The following TUBGCP6 variants were observed in gnomAD, a reference collection of about 807,000 sequenced individuals.
TUBGCP6 encodes the protein tubulin gamma complex component 6, also known as gamma-tubulin complex component 6.
Under a neutral mutation model 175.8 loss-of-function variants are expected in TUBGCP6, and 161 were observed. The observed-to-expected ratio is 0.92, with a 90% CI of 0.81 to 1.04. TUBGCP6 has a LOEUF of 1.04. TUBGCP6 is among the 50% of genes least tolerant of loss of function. The pLI is 0.00. For synonymous variants in TUBGCP6, 1,173 were observed against 1,030.5 expected (o/e 1.14, Z -2.65); for missense variants, 2,572 against 2,433.0 (o/e 1.06, Z -1.20).
Position 50,219,996 on chromosome 22 carries a change from G to A in TUBGCP6, c.4128C>T (p.Asp1376=), listed in dbSNP as rs1221044246. The A allele has an allele frequency of 3.7e-6, 6 of 1,613,762 alleles. No individual in the cohort carries two copies. The highest frequency in any genetic ancestry group is 2.7e-5 in the African/African-American group (2 of 74,930). Residue 1376 remains aspartate, a synonymous_variant, in exon 17 of 25, where the codon GAC becomes GAT. Coordinates refer to ENST00000248846, the MANE Select transcript of TUBGCP6 (RefSeq NM_020461.4). ...SEELGPGRSG[D]TEDLSPNWPL... is the part of the protein sequence containing the mutation. ...GCCAATTTGGAGAGAGGTCCTCAGT[G>A]TCCCCGCTCCTCCCAGGGCCTGTGT...
Position 50,230,344 on chromosome 22 carries a change from C to T in TUBGCP6, c.1117-767G>A, listed in dbSNP as rs562402236. 7.9e-5 allele frequency among the ~76,000 whole-genome samples: 12 copies of T among 152,194 alleles called. No homozygotes were observed. The South Asian group carries it at 2.5e-3, about 32-fold the overall frequency. ...AAGTTAGGCCAGGCATGGTGGCTCA[C>T]GCCTGTAATCCCAGCACTTCAGGAG... On this transcript the variant is annotated intron_variant, in intron 3 of 24. Transcript: ENST00000248846.
intron 7 of TUBGCP6, 151 bp downstream of exon 7, chr22:50,226,582 G>C: frequency 7.0e-6 from 5 of 717,654 alleles, no homozygotes; most frequent in Admixed American, 2.4e-5. Context: ...GGGGCAGGGT[G>C]GGGGGTTGGG....
chr22:50,219,517 C>A, intron 18 of TUBGCP6, 61 bp from the exon 19 acceptor site: 1 of 1,589,668 alleles, frequency 6.3e-7, no homozygotes, highest in Non-Finnish European at 8.6e-7. Context: ...CGCCCCCATC[C>A]ACAGGAGATG....
At chr22:50,229,870 C>A (rs1339857651) in intron 3 of TUBGCP6, among the ~76,000 whole-genome samples, 4 of 152,300 alleles carry the variant, frequency 2.6e-5, no homozygotes, top group Non-Finnish European at 5.9e-5. Flanking sequence ...CCTCCTGGGG[C>A]AGAAGCTATA....
At chr22:50,243,543 A>C (rs774571243) in intron 1 of TUBGCP6, among the ~76,000 whole-genome samples, 176 bp downstream of exon 1, 1 of 147,150 alleles carries the variant, frequency 6.8e-6, no homozygotes, top group East Asian at 2.1e-4. Context: ...GCTTGAGCCC[A>C]GAAAGTGGAG....
chr22:50,242,662 G>T (rs749718796), intron 1 of TUBGCP6, among the ~76,000 whole-genome samples: 7 of 152,354 alleles, frequency 4.6e-5, no homozygotes, highest in African/African-American at 1.2e-4. Context: ...GAGCTACAGC[G>T]TACCATGGTA....
chr22:50,225,035 G>T (rs1341929489), intron 10 of TUBGCP6, among the ~76,000 whole-genome samples: 6 of 150,972 alleles, frequency 4.0e-5, no homozygotes, highest in African/African-American at 1.5e-4. Flanking sequence ...GAGGGACCAG[G>T]TGATGGCAGG....
At chr22:50,219,930 G>A (rs1257978376) in intron 17 of TUBGCP6, 27 bp downstream of exon 17, 1 of 1,613,502 alleles carries the variant, frequency 6.2e-7, no homozygotes. Flanking sequence ...TGCCTGCTGT[G>A]GGACCCCCAG....
intron 1 of TUBGCP6, 123 bp from the exon 2 acceptor site, chr22:50,240,490 G>T: frequency 8.4e-7 from 1 of 1,192,818 alleles, no homozygotes; most frequent in Non-Finnish European, 1.2e-6. Flanking sequence ...TTTTTCTCAA[G>T]CGCATGTGTA....
At chr22:50,223,905 C>G (rs1475056239) in intron 13 of TUBGCP6, 2 of 542,204 alleles carry the variant, frequency 3.7e-6, no homozygotes, top group Non-Finnish European at 3.3e-6. Flanking sequence ...AGTACGCAGG[C>G]CTCGCCTGGA....
chr22:50,226,562 G>A (rs2064613211), intron 7 of TUBGCP6, among the ~76,000 whole-genome samples, 171 bp downstream of exon 7: 1 of 140,472 alleles, frequency 7.1e-6, no homozygotes, highest in African/African-American at 2.7e-5. Context: ...AGGGTGGGGG[G>A]TGTGGAGTGG....
rs774583229 is a variant in TUBGCP6, at chr22:50,218,470, G to A, written c.4954+18C>T. On this transcript the variant is annotated intron_variant, in intron 22 of 24. Transcript: ENST00000248846. The stretch of plus-strand genomic sequence containing the variant: ...TCCAGCCAGGGGTGCGGGGCGCCGG[G>A]CTCCAGCGGGGCCTCACCTGTGCGC... 2 of 1,613,056 alleles carry A rather than the reference G, an allele frequency of 1.2e-6. No homozygotes were observed. The highest frequency in any genetic ancestry group is 1.3e-5 in the African/African-American group (1 of 74,922).
Position 50,243,783 on chromosome 22 carries a change from A to G in TUBGCP6, c.677T>C (p.Met226Thr), listed in dbSNP as rs765347127. ...GALVHSRTYD[M>T]DVRLGLPPVP... is the part of the protein sequence containing the mutation. ...GGGGGGCAGGCCCAGTCGGACGTCC[A>G]TGTCATAAGTGCGGCTGTGCACAAG... Residue 226 changes from methionine to threonine, a missense_variant, in exon 1 of 25, where the codon ATG (methionine) becomes ACG (threonine). Transcript: ENST00000248846. The G allele has an allele frequency of 1.2e-6, 2 of 1,613,576 alleles. No homozygotes were observed. The highest frequency in any genetic ancestry group is 2.2e-5 in the South Asian group (2 of 91,056).
intron 5 of TUBGCP6, among the ~76,000 whole-genome samples, chr22:50,227,588 T>C (rs1183546940): frequency 6.6e-6 from 1 of 152,182 alleles, no homozygotes; most frequent in Non-Finnish European, 1.5e-5. Flanking sequence ...CACCTGCCAA[T>C]AGCCCCCGAG....
chr22:50,243,650 GAAGA>G, intron 1 of TUBGCP6, 65 bp downstream of exon 1: 5 of 924,842 alleles, frequency 5.4e-6, no homozygotes, highest in Non-Finnish European at 8.0e-6. Flanking sequence ...AGAAGAAGAA[GAAGA>G]AAGGTCACAG....
At chr22:50,226,581 T>TG (rs917298821) in intron 7 of TUBGCP6, 152 bp downstream of exon 7, 16 of 56,950 alleles carry the variant, frequency 2.8e-4, no homozygotes, top group African/African-American at 2.5e-3. Context: ...GGGGGCAGGG[T>TG]GGGGGGTTGG....
At chr22:50,229,714 G>T in intron 3 of TUBGCP6, 137 bp from the exon 4 acceptor site, 1 of 817,660 alleles carries the variant, frequency 1.2e-6, no homozygotes, top group Non-Finnish European at 1.9e-6. Flanking sequence ...TGCCCAGAAG[G>T]CATACCCAGA....
intron 10 of TUBGCP6, 43 bp downstream of exon 10, chr22:50,225,751 G>A (rs1236713447): frequency 6.3e-7 from 1 of 1,580,500 alleles, no homozygotes; most frequent in Non-Finnish European, 8.6e-7. Flanking sequence ...AGGAAGCAGA[G>A]GCAGGGGCGA....
In TUBGCP6 at chr22:50,230,335, G is replaced by C. The variant is rs375615952; in HGVS notation, c.1117-758C>G. 2.3e-4 allele frequency among the ~76,000 whole-genome samples: 35 copies of C among 152,194 alleles called. 1 individual carries two copies. In the East Asian group the frequency reaches 2.9e-3, roughly 13 times the overall value. On this transcript the variant is annotated intron_variant, in intron 3 of 24. Transcript: ENST00000248846. ...AAATTTTAAAAGTTAGGCCAGGCAT[G>C]GTGGCTCACGCCTGTAATCCCAGCA...
Sources: gnomAD v4.1 joint callset for allele counts (sites outside exome capture counted in the v4.1 genomes callset) on GRCh38, gnomAD v4.1.1 for gene constraint, MANE v1.5 for transcripts, NCBI Gene and HGNC (gene_info 2026-07-23, HGNC 2026-07-21) for gene names.